PRR16: variants seen among roughly 807,000 people sequenced by gnomAD.
The protein encoded by PRR16 is protein Largen.
PRR16 carries 6 observed loss-of-function variants against 18.2 expected under a neutral mutation model. That is an observed-to-expected ratio of 0.33 (90% CI 0.18 to 0.65). The LOEUF (loss-of-function observed/expected upper bound fraction) is 0.65, where lower values mean the gene tolerates loss of function less well. Among genes scored for constraint, PRR16 ranks in the 30% least tolerant of loss-of-function variants. PRR16 has a pLI of 0.74. For missense variants in PRR16, 412 were observed against 376.6 expected (o/e 1.09, Z -0.78); for synonymous variants, 151 against 147.8 (o/e 1.02, Z -0.16).
At chr5:120,793,705 C>A in the PRR16 span, among the ~76,000 whole-genome samples, 2 of 152,070 alleles carry the variant, frequency 1.3e-5, no homozygotes, top group South Asian at 4.1e-4. Context: ...GTTAAGTATG[C>A]AGAAATGACA....
intron 1 of PRR16, among the ~76,000 whole-genome samples, chr5:120,557,076 T>A (rs1183750818): frequency 6.6e-6 from 1 of 151,946 alleles, no homozygotes; most frequent in African/African-American, 2.4e-5. Context: ...TAATGAAGAT[T>A]GCTATGACAC....
At chr5:120,465,613 G>C (rs1212566237) in intron 1 of PRR16, 3 of 153,042 alleles carry the variant, frequency 2.0e-5, no homozygotes, top group African/African-American at 7.2e-5. Flanking sequence ...GGAGGGGTGG[G>C]GTCTCCCGAG....
the PRR16 span, among the ~76,000 whole-genome samples, chr5:120,724,689 C>A: frequency 6.6e-6 from 1 of 151,956 alleles, no homozygotes; most frequent in Non-Finnish European, 1.5e-5. Flanking sequence ...TTCAGGGGAC[C>A]TTTCAGATAT....
At chr5:120,517,881 A>G (rs1048821485) in intron 1 of PRR16, among the ~76,000 whole-genome samples, 1 of 151,996 alleles carries the variant, frequency 6.6e-6, no homozygotes, top group Non-Finnish European at 1.5e-5. Context: ...TCTACTTTTG[A>G]CCTCTATGAG....
chr5:120,772,187 A>G, the PRR16 span, among the ~76,000 whole-genome samples: 1 of 152,168 alleles, frequency 6.6e-6, no homozygotes, highest in African/African-American at 2.4e-5. Context: ...TGCAAAACTC[A>G]AAACATGCAG....
chr5:120,481,167 A>G, intron 1 of PRR16: 1 of 1,030,916 alleles, frequency 9.7e-7, no homozygotes, highest in Non-Finnish European at 1.3e-6. Context: ...TTTTTTTTGG[A>G]GATGAAGTCC....
chr5:120,777,842 ATG>A, the PRR16 span, among the ~76,000 whole-genome samples: 1 of 152,128 alleles, frequency 6.6e-6, no homozygotes, highest in African/African-American at 2.4e-5. Context: ...TACGTGCTAT[ATG>A]TTTGCATATT....
At chr5:120,765,388 C>T in the PRR16 span, among the ~76,000 whole-genome samples, 1 of 151,958 alleles carries the variant, frequency 6.6e-6, no homozygotes, top group African/African-American at 2.4e-5. Flanking sequence ...TGGACTGTGA[C>T]AGTGGTGAAA....
chr5:120,492,671 G>A (rs1323757248), intron 1 of PRR16, among the ~76,000 whole-genome samples: 4 of 151,992 alleles, frequency 2.6e-5, no homozygotes, highest in Non-Finnish European at 2.9e-5. Context: ...CATCACCTGA[G>A]CAGTGTACAC....
At chr5:120,779,549 G>T in the PRR16 span, among the ~76,000 whole-genome samples, 1 of 152,102 alleles carries the variant, frequency 6.6e-6, no homozygotes, top group Non-Finnish European at 1.5e-5. Context: ...GTAAATGTTC[G>T]CATTTCGTGT....
intron 1 of PRR16, among the ~76,000 whole-genome samples, chr5:120,540,419 T>C (rs1262398598): frequency 6.6e-6 from 1 of 152,218 alleles, no homozygotes; most frequent in Non-Finnish European, 1.5e-5. Flanking sequence ...GATTTCTTTC[T>C]CAAGTCCTTA....
intron 1 of PRR16, among the ~76,000 whole-genome samples, chr5:120,492,162 G>A (rs1305314441): frequency 2.1e-5 from 3 of 141,682 alleles, no homozygotes; most frequent in African/African-American, 8.0e-5. Context: ...AGGATCCACC[G>A]CAGCCTCAGC....
intron 1 of PRR16, among the ~76,000 whole-genome samples, chr5:120,597,108 T>G (rs1387612310): frequency 6.6e-6 from 1 of 151,692 alleles, no homozygotes; most frequent in Non-Finnish European, 1.5e-5. Flanking sequence ...ATTCAGTAAT[T>G]TTTTTGCTTA....
At chr5:120,466,883 T>G (rs1749122648) in intron 1 of PRR16, among the ~76,000 whole-genome samples, 1 of 152,190 alleles carries the variant, frequency 6.6e-6, no homozygotes, top group Non-Finnish European at 1.5e-5. Context: ...AATAATGTGA[T>G]GTGATTGTTA....
chr5:120,490,258 G>T (rs917911762), intron 1 of PRR16, among the ~76,000 whole-genome samples: 1 of 152,122 alleles, frequency 6.6e-6, no homozygotes, highest in Non-Finnish European at 1.5e-5. Flanking sequence ...TTCCATCTTG[G>T]TTCCATTCTC....
At chr5:120,613,394 TA>T (rs1754395933) in intron 1 of PRR16, among the ~76,000 whole-genome samples, 1 of 152,092 alleles carries the variant, frequency 6.6e-6, no homozygotes, top group South Asian at 2.1e-4. Flanking sequence ...TTACATTTTT[TA>T]AAATCCTATT....
At chr5:120,748,397 T>A in the PRR16 span, among the ~76,000 whole-genome samples, 4 of 152,242 alleles carry the variant, frequency 2.6e-5, no homozygotes, top group East Asian at 7.7e-4. Context: ...TTTGCATGTA[T>A]AACTTATTCT....
chr5:120,632,711 C>G (rs1365410979), intron 1 of PRR16, among the ~76,000 whole-genome samples: 3 of 152,056 alleles, frequency 2.0e-5, no homozygotes, highest in Non-Finnish European at 4.4e-5. Context: ...ATGAACAAAG[C>G]CTCCAAGAAG....
chr5:120,490,191 G>C (rs543080208), intron 1 of PRR16, among the ~76,000 whole-genome samples: 1 of 152,090 alleles, frequency 6.6e-6, no homozygotes, highest in Admixed American at 6.6e-5. Context: ...GAATCTGAAC[G>C]TTGGCCTGCC....
Sources: gnomAD v4.1 joint callset for allele counts (sites outside exome capture counted in the v4.1 genomes callset) on GRCh38, gnomAD v4.1.1 for gene constraint, MANE v1.5 for transcripts, NCBI Gene and HGNC (gene_info 2026-07-23, HGNC 2026-07-21) for gene names.